Variants in CD55 observed in about 807,000 individuals in gnomAD.
CD55 encodes the protein CD55 molecule (Cromer blood group), also known as complement decay-accelerating factor.
A neutral mutation model predicts 45.8 loss-of-function variants in CD55; 41 were observed. The observed-to-expected ratio is 0.90, with a 90% CI of 0.70 to 1.16. The LOEUF (loss-of-function observed/expected upper bound fraction) is 1.16, where lower values mean the gene tolerates loss of function less well. Among genes scored for constraint, CD55 ranks in the 50% most tolerant of loss-of-function variants. CD55 has a pLI of 0.00. For synonymous variants in CD55, 181 were observed against 181.1 expected, an observed-to-expected ratio of 1.00 and a Z score of 0.01; for missense variants, 416 against 469.8, an observed-to-expected ratio of 0.89 and a Z score of 1.06.
Position 207,359,948 on chromosome 1 carries a change from G to A in CD55, c.*338G>A, listed in dbSNP as rs530112421. 3 of 205,236 alleles carry A rather than the reference G, an allele frequency of 1.5e-5. No individual in the cohort carries two copies. Among genetic ancestry groups the A allele is most frequent in the South Asian group, 3.6e-4 (2 of 5,500 alleles). 12.7% of individuals were successfully genotyped at this position (205,236 alleles called of 1,614,324 possible). On this transcript the variant is annotated 3_prime_UTR_variant, in exon 10 of 10. Transcript: ENST00000367064. ...AAAGTGATTTTTTTCCACAAGATCT[G>A]TAATGTTATTTCCACTTATAAAGGA...
chr1:207,337,180 A>C (rs1028116260), intron 7 of CD55, 149 bp from the exon 8 acceptor site: 1 of 638,890 alleles, frequency 1.6e-6, no homozygotes, highest in Non-Finnish European at 2.8e-6. Context: ...CTTCTGCTAC[A>C]CAGGCCACAC....
chr1:207,322,244 C>G, intron 1 of CD55, 138 bp from the exon 2 acceptor site: 5 of 784,608 alleles, frequency 6.4e-6, no homozygotes, highest in Non-Finnish European at 1.1e-5. Flanking sequence ...AGAGTCCAGC[C>G]GTGTGGAGCA....
chr1:207,335,515 C>T (rs1341709521), intron 6 of CD55, among the ~76,000 whole-genome samples: 1 of 152,120 alleles, frequency 6.6e-6, no homozygotes, highest in African/African-American at 2.4e-5. Flanking sequence ...TATATACATT[C>T]TCTGGATCAA....
intron 6 of CD55, among the ~76,000 whole-genome samples, chr1:207,332,382 A>G (rs1398709677): frequency 1.3e-5 from 2 of 152,200 alleles, no homozygotes; most frequent in Non-Finnish European, 2.9e-5. Context: ...GTACATTTGT[A>G]CAATAAATTC....
chr1:207,331,798 T>C (rs1156752808), intron 6 of CD55, among the ~76,000 whole-genome samples: 1 of 152,188 alleles, frequency 6.6e-6, no homozygotes, highest in Non-Finnish European at 1.5e-5. Flanking sequence ...CTAGACGTTT[T>C]TCTTTCAATG....
At chr1:207,329,859 G>A (rs1001348473) in intron 5 of CD55, among the ~76,000 whole-genome samples, 3 of 151,948 alleles carry the variant, frequency 2.0e-5, no homozygotes, top group African/African-American at 7.3e-5. Flanking sequence ...CAGTCTGCCC[G>A]CCTCAGCCTC....
intron 9 of CD55, 110 bp downstream of exon 9, chr1:207,339,527 C>A (rs1655330031): frequency 2.3e-6 from 2 of 873,924 alleles, no homozygotes; most frequent in Non-Finnish European, 3.6e-6. Flanking sequence ...ATGTATCCTG[C>A]AATTTATTTT....
At chr1:207,334,358 G>T (rs1655078851) in intron 6 of CD55, among the ~76,000 whole-genome samples, 1 of 152,112 alleles carries the variant, frequency 6.6e-6, no homozygotes, top group Non-Finnish European at 1.5e-5. Flanking sequence ...TGCACTAGCA[G>T]ACCAAACATG....
At chr1:207,351,294 G>A (rs1252947712) in intron 9 of CD55, among the ~76,000 whole-genome samples, 1 of 152,140 alleles carries the variant, frequency 6.6e-6, no homozygotes, top group African/African-American at 2.4e-5. Flanking sequence ...TGTGCTATGT[G>A]CAGATGAGAA....
At chr1:207,339,615 G>A (rs1195434957) in intron 9 of CD55, among the ~76,000 whole-genome samples, 198 bp downstream of exon 9, 5 of 152,044 alleles carry the variant, frequency 3.3e-5, no homozygotes, top group Non-Finnish European at 7.4e-5. Context: ...ATACTCGCTC[G>A]GATTCAGCAA....
intron 9 of CD55, chr1:207,347,290 C>T (rs113050469): frequency 0.013 from 5,756 of 444,630 alleles, 265 homozygotes; most frequent in African/African-American, 0.1. Context: ...GACGGAATCT[C>T]GCTCTGTCAC....
chr1:207,335,307 G>T (rs1232513126), intron 6 of CD55, among the ~76,000 whole-genome samples: 1 of 152,084 alleles, frequency 6.6e-6, no homozygotes, highest in African/African-American at 2.4e-5. Context: ...TATTAGGACC[G>T]ATGACAGGTA....
At chr1:207,344,874 C>A (rs1481437886) in intron 9 of CD55, among the ~76,000 whole-genome samples, 1 of 152,084 alleles carries the variant, frequency 6.6e-6, no homozygotes, top group East Asian at 1.9e-4. Flanking sequence ...TGTTACCACA[C>A]CCATCTAATT....
chr1:207,350,158 A>G (rs1451788757), intron 9 of CD55: 1 of 453,228 alleles, frequency 2.2e-6, no homozygotes. Context: ...GTGATGAATC[A>G]CATTTATTGA....
At chr1:207,345,907 A>G (rs537117065) in intron 9 of CD55, among the ~76,000 whole-genome samples, 15 of 152,162 alleles carry the variant, frequency 9.9e-5, no homozygotes, top group Non-Finnish European at 1.8e-4. Context: ...GAGATTTGCT[A>G]GGGAATAGGA....
intron 8 of CD55, 53 bp from the exon 9 acceptor site, chr1:207,339,344 A>G: frequency 6.9e-7 from 1 of 1,440,762 alleles, no homozygotes; most frequent in Admixed American, 1.8e-5. Context: ...CTAGCAAATC[A>G]ATGACTTTAA....
Position 207,343,327 on chromosome 1 carries a change from C to G in CD55, c.1081+3910C>G, listed in dbSNP as rs190016436. ...TGTAATCATTTATTGCTGTAAACTT[C>G]CCTGTTAGCACTGCTTTTGCTATGT... is the stretch of plus-strand genomic sequence containing the variant. On this transcript the variant is annotated intron_variant, in intron 9 of 9. Coordinates refer to ENST00000367064, the MANE Select transcript of CD55 (RefSeq NM_000574.5). Among the ~76,000 whole-genome samples, 299 of 152,144 alleles carry G rather than the reference C, an allele frequency of 2.0e-3. 2 individuals carry two copies. The highest frequency in any genetic ancestry group is 6.8e-3 in the African/African-American group (284 of 41,524).
At chr1:207,358,832 A>C (rs1252685708) in intron 9 of CD55, among the ~76,000 whole-genome samples, 1 of 152,158 alleles carries the variant, frequency 6.6e-6, no homozygotes, top group Non-Finnish European at 1.5e-5. Context: ...AGTAATGCTT[A>C]TCATCTCATC....
chr1:207,339,393 G>A lies in CD55; in HGVS notation c.1061-4G>A. 1 of 1,602,870 alleles carries A rather than the reference G, an allele frequency of 6.2e-7. No homozygotes were observed. The highest frequency in any genetic ancestry group is 8.5e-7 in the Non-Finnish European group (1 of 1,175,724). ...TTAATCCTTTTTTTCCCCTTCGTCT[G>A]TAGGTACTACCCGTCTTCTATCTGG... On this transcript the variant is annotated splice_polypyrimidine_tract_variant and splice_region_variant and intron_variant, in intron 8 of 9. Coordinates refer to ENST00000367064, the MANE Select transcript of CD55 (RefSeq NM_000574.5).
Sources: gnomAD v4.1 joint callset for allele counts (sites outside exome capture counted in the v4.1 genomes callset) on GRCh38, gnomAD v4.1.1 for gene constraint, MANE v1.5 for transcripts, NCBI Gene and HGNC (gene_info 2026-07-23, HGNC 2026-07-21) for gene names.